The following PCLO variants were observed in gnomAD, a reference collection of about 807,000 sequenced individuals.
The protein encoded by PCLO is piccolo presynaptic cytomatrix protein.
A neutral mutation model predicts 427.5 loss-of-function variants in PCLO; 82 were observed. The ratio of observed to expected loss-of-function variants is 0.19; its 90% CI spans 0.16 to 0.23. The LOEUF (loss-of-function observed/expected upper bound fraction) is 0.23. Ranked by LOEUF, PCLO falls within the 10% of genes least tolerant of loss-of-function variation. The probability of loss-of-function intolerance (pLI) is 1.00; values close to 1 mark genes in which losing one functional copy is unlikely to be tolerated. For synonymous variants in PCLO, 2,357 were observed against 2,155.4 expected (o/e 1.09, Z -2.59); for missense variants, 6,239 against 6,115.9 (o/e 1.02, Z -0.67).
intron 3 of PCLO, among the ~76,000 whole-genome samples, chr7:83,062,495 A>C (rs80269317): frequency 0.015 from 2,207 of 152,204 alleles, 58 homozygotes; most frequent in South Asian, 0.049. Flanking sequence ...GATATTACTA[A>C]GTTGGGTAAA....
chr7:82,814,544 C>G (rs999896110), intron 20 of PCLO, among the ~76,000 whole-genome samples: 56 of 151,134 alleles, frequency 3.7e-4, no homozygotes, highest in African/African-American at 6.8e-4. Flanking sequence ...AGCTGGACAA[C>G]AAGCTTAAAT....
At chr7:82,971,624 TA>T in intron 3 of PCLO, among the ~76,000 whole-genome samples, 1 of 147,732 alleles carries the variant, frequency 6.8e-6, no homozygotes, top group Non-Finnish European at 1.5e-5. Flanking sequence ...ATCGTATAGA[TA>T]TATATGATAA....
chr7:83,001,294 C>T (rs2115923126), intron 3 of PCLO, among the ~76,000 whole-genome samples: 1 of 152,024 alleles, frequency 6.6e-6, no homozygotes, highest in African/African-American at 2.4e-5. Context: ...CAAAACCCTA[C>T]ATATTCCTGC....
At chr7:83,115,784 C>G (rs1454635359) in intron 3 of PCLO, among the ~76,000 whole-genome samples, 1 of 151,970 alleles carries the variant, frequency 6.6e-6, no homozygotes, top group Non-Finnish European at 1.5e-5. Context: ...TGCCAGTACT[C>G]CTTACTTTTC....
intron 16 of PCLO, among the ~76,000 whole-genome samples, chr7:82,835,357 G>C (rs2115740565): frequency 6.6e-6 from 1 of 152,220 alleles, no homozygotes; most frequent in Non-Finnish European, 1.5e-5. Flanking sequence ...TATGTGAGAA[G>C]CTAAATGAGT....
intron 3 of PCLO, among the ~76,000 whole-genome samples, chr7:83,099,104 TA>T (rs1192761268): frequency 6.6e-6 from 1 of 151,252 alleles, no homozygotes; most frequent in African/African-American, 2.4e-5. Flanking sequence ...AATACAAGTT[TA>T]ATAGGTTAAA....
At position 83,155,559 on chromosome 7, in the gene PCLO, G is replaced by C; in HGVS notation, c.1082C>G (p.Pro361Arg). Reference sequence around the variant, plus strand: ...AGCAGGACCAAGAGGCTGAGCTGGAGGCTTTGTTGTCCCTGGTGGCTGGAC... The same window carrying C: ...AGCAGGACCAAGAGGCTGAGCTGGACGCTTTGTTGTCCCTGGTGGCTGGAC... ...PPVQPPGTTK[P>R]PAQPLGPAKP... is the part of the protein sequence containing the mutation. Residue 361 changes from proline to arginine, a missense_variant, in exon 2 of 25, where the codon CCT (proline) becomes CGT (arginine). Transcript: ENST00000333891. 6.2e-7 allele frequency: 1 copy of C among 1,613,108 alleles called. No individual in the cohort carries two copies. Among genetic ancestry groups the C allele is most frequent in the Non-Finnish European group, 8.5e-7 (1 of 1,179,500 alleles).
chr7:82,951,759 A>G, intron 5 of PCLO, 97 bp downstream of exon 5: 1 of 1,474,650 alleles, frequency 6.8e-7, no homozygotes, highest in African/African-American at 1.4e-5. Context: ...AGAAAAAGTA[A>G]CAAAACTGGA....
At chr7:83,133,797 AACAAACT>A (rs1194179571) in intron 3 of PCLO, among the ~76,000 whole-genome samples, 2 of 152,062 alleles carry the variant, frequency 1.3e-5, no homozygotes, top group African/African-American at 4.8e-5. Context: ...TATTCAACCA[AACAAACT>A]TCTTTTATTA....
At position 82,760,660 on chromosome 7, in the gene PCLO, A is replaced by T; in HGVS notation, c.15267T>A (p.Ser5089Arg). 1 of 1,605,308 alleles carries T rather than the reference A, an allele frequency of 6.2e-7. No homozygotes were observed. The highest frequency in any genetic ancestry group is 2.2e-5 in the East Asian group (1 of 44,698). ...CTACCTGAAGAGAATGTCCTGCAGG[A>T]CTTAGACTGAATCGAAAAGTTTCAT... Reference protein sequence around the residue: ...SFNETFRFSLSPAGHSLQILL... With the variant: ...SFNETFRFSLRPAGHSLQILL... Residue 5089 changes from serine to arginine, a missense_variant, in exon 24 of 25, where the codon AGT becomes AGA. Physicochemically the swap from Ser to Arg is moderately radical, Grantham distance 110. Transcript: ENST00000333891.
rs369545120 is a variant in PCLO at position 83,135,569 on chromosome 7, G to A, written c.1981C>T (p.Leu661=). The A allele has an allele frequency of 1.2e-6, 2 of 1,613,646 alleles. No homozygotes were observed. Among genetic ancestry groups the A allele is most frequent in the African/African-American group, 2.7e-5 (2 of 74,948 alleles). The change falls in exon 3 of 25, where the codon CTG becomes TTG. Residue 661 remains leucine, a synonymous_variant. Coordinates refer to ENST00000333891, the MANE Select transcript of PCLO (RefSeq NM_033026.6). Reference sequence around the variant, plus strand: ...GTAGTGGTAACAGGTGCAGTCTTCAGTTTGGGCTGGGGTGATGACGGAACT... The same window carrying A: ...GTAGTGGTAACAGGTGCAGTCTTCAATTTGGGCTGGGGTGATGACGGAACT... ...APVPSSPQPK[L]KTAPVTTTSA...
chr7:82,826,452 C>A, intron 18 of PCLO, 137 bp downstream of exon 18: 1 of 546,222 alleles, frequency 1.8e-6, no homozygotes, highest in Non-Finnish European at 3.2e-6. Flanking sequence ...AATAGTAAAT[C>A]AGGAAATAAA....
chr7:82,894,801 T>G (rs940998656), intron 9 of PCLO, among the ~76,000 whole-genome samples: 1 of 152,044 alleles, frequency 6.6e-6, no homozygotes, highest in African/African-American at 2.4e-5. Flanking sequence ...TTGCAATTTA[T>G]TTGGGGATTA....
At chr7:82,821,260 C>T (rs1791784602) in intron 20 of PCLO, 2 of 986,946 alleles carry the variant, frequency 2.0e-6, no homozygotes, top group Admixed American at 6.1e-5. Context: ...TGTGCTGCTT[C>T]CTGGCATGAT....
At chr7:82,968,733 T>C (rs1795837038) in intron 3 of PCLO, among the ~76,000 whole-genome samples, 1 of 152,036 alleles carries the variant, frequency 6.6e-6, no homozygotes. Context: ...TTACCTAGGA[T>C]TGGTCTAGAT....
At chr7:82,998,549 C>G (rs546797132) in intron 3 of PCLO, among the ~76,000 whole-genome samples, 2 of 151,910 alleles carry the variant, frequency 1.3e-5, no homozygotes, top group South Asian at 2.1e-4. Context: ...AAGAAAATAC[C>G]TAACTCCAGG....
chr7:82,770,009 GAA>G (rs1383365688), intron 22 of PCLO, among the ~76,000 whole-genome samples: 1 of 152,082 alleles, frequency 6.6e-6, no homozygotes, highest in Non-Finnish European at 1.5e-5. Context: ...AGTCATTATG[GAA>G]AGTCTTATTA....
In PCLO at chr7:83,162,580, C is replaced by T. The variant is rs1270532652; in HGVS notation, c.13G>A (p.Ala5Thr). 1 of 1,547,112 alleles carries T rather than the reference C, an allele frequency of 6.5e-7. No homozygotes were observed. The highest frequency in any genetic ancestry group is 1.9e-5 in the Admixed American group (1 of 51,584). ...GGGAGCCCTTCCCCTTCCAAGCTCG[C>T]CTCGTTGCCCATGGCTCAGGGAGAC... Reference protein sequence around the residue: MGNEASLEGEGLPEG... With the variant: MGNETSLEGEGLPEG... The change falls in exon 1 of 25, where the codon GCG (alanine) becomes ACG (threonine). Residue 5 changes from alanine to threonine, a missense_variant. By Grantham distance (58) the Ala-to-Thr change is moderately conservative. Coordinates refer to ENST00000333891, the MANE Select transcript of PCLO (RefSeq NM_033026.6).
intron 3 of PCLO, among the ~76,000 whole-genome samples, chr7:83,034,954 C>A (rs1366970237): frequency 6.6e-6 from 1 of 152,202 alleles, no homozygotes; most frequent in African/African-American, 2.4e-5. Context: ...GGATAACGCT[C>A]CAACTGGTCT....
Sources: allele counts gnomAD v4.1 joint callset (sites outside exome capture counted in the v4.1 genomes callset), GRCh38; gene constraint gnomAD v4.1.1; transcripts MANE v1.5; gene names NCBI Gene and HGNC (gene_info 2026-07-23, HGNC 2026-07-21).